GRID2: variants seen among roughly 807,000 people sequenced by gnomAD.
GRID2 encodes the protein glutamate receptor ionotropic, delta-2.
A neutral mutation model predicts 114.8 loss-of-function variants in GRID2; 33 were observed. The ratio of observed to expected loss-of-function variants is 0.29; its 90% CI spans 0.22 to 0.38. The LOEUF (loss-of-function observed/expected upper bound fraction) is 0.38, where lower values mean the gene tolerates loss of function less well. Among genes scored for constraint, GRID2 ranks in the 10% least tolerant of loss-of-function variants. GRID2 has a pLI of 1.00. For missense variants in GRID2, 1,184 were observed against 1,257.7 expected (o/e 0.94, Z 0.89); for synonymous variants, 505 against 449.9 (o/e 1.12, Z -1.55).
At chr4:92,794,905 T>TATATATATATATATATATATACACACAC (rs745392261) in intron 2 of GRID2, among the ~76,000 whole-genome samples, 10 of 127,786 alleles carry the variant, frequency 7.8e-5, no homozygotes, top group African/African-American at 2.8e-4. Context: ...TATATATATA[T>TATATATATATATATATATATACACACAC]ACACACACAC....
At chr4:93,168,813 G>T (rs1000824508) in intron 4 of GRID2, among the ~76,000 whole-genome samples, 1 of 151,962 alleles carries the variant, frequency 6.6e-6, no homozygotes, top group Admixed American at 6.6e-5. Flanking sequence ...CCCAGTTTCT[G>T]GCATAAAAAT....
chr4:92,327,195 G>A (rs902180934), intron 1 of GRID2, among the ~76,000 whole-genome samples: 2 of 151,980 alleles, frequency 1.3e-5, no homozygotes, highest in Non-Finnish European at 2.9e-5. Context: ...CAATGTCAGT[G>A]ATTACTCTGA....
chr4:92,922,560 T>C (rs1045919828), intron 2 of GRID2, among the ~76,000 whole-genome samples: 1 of 152,172 alleles, frequency 6.6e-6, no homozygotes, highest in Admixed American at 6.5e-5. Context: ...TGGTTGTCAA[T>C]TCAAATATGG....
chr4:92,694,692 T>C (rs1227621458), intron 2 of GRID2, among the ~76,000 whole-genome samples: 1 of 152,194 alleles, frequency 6.6e-6, no homozygotes, highest in Non-Finnish European at 1.5e-5. Context: ...ACATCTTGCT[T>C]TGGAACTGGT....
At chr4:93,528,002 C>A (rs1164707252) in intron 13 of GRID2, among the ~76,000 whole-genome samples, 1 of 151,946 alleles carries the variant, frequency 6.6e-6, no homozygotes, top group Non-Finnish European at 1.5e-5. Flanking sequence ...AGCATAATGT[C>A]CTCTAGGTTC....
At chr4:92,419,833 A>G (rs1731807628) in intron 1 of GRID2, among the ~76,000 whole-genome samples, 2 of 152,124 alleles carry the variant, frequency 1.3e-5, no homozygotes, top group African/African-American at 2.4e-5. Context: ...TTCAGTGGTT[A>G]TTTATATAGT....
intron 1 of GRID2, among the ~76,000 whole-genome samples, chr4:92,481,467 T>A (rs962511007): frequency 2.0e-4 from 30 of 152,170 alleles, no homozygotes; most frequent in African/African-American, 6.5e-4. Context: ...ATAAGGAGTC[T>A]TCCTCATTGC....
chr4:92,716,631 T>C (rs1444937467), intron 2 of GRID2, among the ~76,000 whole-genome samples: 1 of 152,224 alleles, frequency 6.6e-6, no homozygotes, highest in Non-Finnish European at 1.5e-5. Context: ...CTGTGTTTTA[T>C]GTACTGCTTC....
At chr4:92,952,773 T>G (rs1046184118) in intron 2 of GRID2, among the ~76,000 whole-genome samples, 2 of 152,202 alleles carry the variant, frequency 1.3e-5, no homozygotes, top group Admixed American at 6.5e-5. Flanking sequence ...ATTTCCTAAT[T>G]CAGTAAAACC....
At chr4:93,320,174 A>C (rs943773033) in intron 8 of GRID2, among the ~76,000 whole-genome samples, 1 of 152,146 alleles carries the variant, frequency 6.6e-6, no homozygotes, top group East Asian at 1.9e-4. Context: ...TGTTAGAAGA[A>C]GACAATTGGA....
chr4:93,087,249 C>T (rs993412381), intron 3 of GRID2, among the ~76,000 whole-genome samples: 1 of 151,638 alleles, frequency 6.6e-6, no homozygotes, highest in Non-Finnish European at 1.5e-5. Context: ...AACGTGTTAG[C>T]CAGGATGGTC....
intron 4 of GRID2, among the ~76,000 whole-genome samples, chr4:93,127,344 G>A (rs1178827589): frequency 1.3e-5 from 2 of 152,134 alleles, no homozygotes; most frequent in Admixed American, 6.5e-5. Flanking sequence ...AGGGACAAGA[G>A]TGTGCTAGAT....
intron 2 of GRID2, among the ~76,000 whole-genome samples, chr4:92,990,285 G>GTA (rs1170452647): frequency 4.3e-5 from 2 of 47,046 alleles, no homozygotes; most frequent in Non-Finnish European, 9.8e-5. Flanking sequence ...AGATATGTGT[G>GTA]TGTATATATA....
At chr4:93,728,062 T>A (rs183896451) in intron 14 of GRID2, among the ~76,000 whole-genome samples, 2,066 of 152,270 alleles carry the variant, frequency 0.014, 19 homozygotes, top group Admixed American at 0.02. Context: ...TTTCTAGTTC[T>A]TTTAATTGTG....
intron 1 of GRID2, among the ~76,000 whole-genome samples, chr4:92,463,711 G>C (rs903366634): frequency 4.6e-5 from 7 of 151,694 alleles, no homozygotes; most frequent in African/African-American, 1.7e-4. Flanking sequence ...GCTTTTTTTT[G>C]TGTAGAGAAT....
At chr4:92,822,880 G>C (rs536908584) in intron 2 of GRID2, 43 of 152,576 alleles carry the variant, frequency 2.8e-4, no homozygotes, top group African/African-American at 9.4e-4. Flanking sequence ...AGGTATTGTG[G>C]CCTTCAAGAG....
intron 9 of GRID2, among the ~76,000 whole-genome samples, chr4:93,417,797 T>G (rs1767870571): frequency 1.3e-5 from 2 of 151,928 alleles, no homozygotes; most frequent in Non-Finnish European, 2.9e-5. Context: ...ACTTCAATTT[T>G]AAGCTGTTTA....
chr4:93,552,645 T>C (rs1473916920), intron 13 of GRID2, among the ~76,000 whole-genome samples: 1 of 152,220 alleles, frequency 6.6e-6, no homozygotes, highest in African/African-American at 2.4e-5. Context: ...GATGAGCATT[T>C]AATTATACTT....
chr4:93,759,296 C>G (rs1465057376), intron 14 of GRID2, among the ~76,000 whole-genome samples: 2 of 152,134 alleles, frequency 1.3e-5, no homozygotes, highest in Non-Finnish European at 2.9e-5. Context: ...AAGGAGATGA[C>G]TCTAACCTAG....
Sources: allele counts gnomAD v4.1 joint callset (sites outside exome capture counted in the v4.1 genomes callset), GRCh38; gene constraint gnomAD v4.1.1; transcripts MANE v1.5; gene names NCBI Gene and HGNC (gene_info 2026-07-23, HGNC 2026-07-21).